B3GNT2: variants seen among roughly 807,000 people sequenced by gnomAD.
The protein encoded by B3GNT2 is N-acetyllactosaminide beta-1,3-N-acetylglucosaminyltransferase 2.
A neutral mutation model predicts 27.6 loss-of-function variants in B3GNT2; 12 were observed. The observed-to-expected ratio is 0.44, with a 90% CI of 0.28 to 0.71. The LOEUF is 0.71. Ranked by LOEUF, B3GNT2 falls within the 30% of genes least tolerant of loss-of-function variation. The pLI, the probability that B3GNT2 is intolerant of heterozygous loss-of-function variation, is 0.17. For missense variants in B3GNT2, 413 were observed against 488.5 expected (o/e 0.85, Z 1.46); for synonymous variants, 192 against 189.7 (o/e 1.01, Z -0.10).
intron 1 of B3GNT2, among the ~76,000 whole-genome samples, chr2:62,198,797 GTT>G (rs200401558): frequency 6.6e-6 from 1 of 151,816 alleles, no homozygotes; most frequent in African/African-American, 2.4e-5. Flanking sequence ...CAGATATGTG[GTT>G]TTTTTTAAAA....
At chr2:62,198,520 A>T (rs1025562566) in intron 1 of B3GNT2, among the ~76,000 whole-genome samples, 1 of 152,246 alleles carries the variant, frequency 6.6e-6, no homozygotes, top group African/African-American at 2.4e-5. Context: ...CTGAGACTGA[A>T]ATCAGCCACA....
chr2:62,222,662 A>T lies in B3GNT2; in HGVS notation c.442A>T (p.Ile148Phe). 6.2e-7 allele frequency: 1 copy of T among 1,614,236 alleles called. No individual in the cohort carries two copies. Among genetic ancestry groups the T allele is most frequent in the Non-Finnish European group, 8.5e-7 (1 of 1,180,048 alleles). The change falls in exon 2 of 2, where the codon ATT becomes TTT. Residue 148 changes from isoleucine (I) to phenylalanine (F), a missense_variant. Ile to Phe is a conservative substitution (Grantham distance 21). Transcript: ENST00000301998. This position sits in a 1 kb window ranked among gnomAD's most constrained non-coding sequence, Gnocchi z 4.2. ...AAAGAAACCTTTCTTGTTGCTGGCG[A>T]TTAAGTCCCTCACTCCACATTTTGC... Reference protein sequence around the residue: ...CAKKPFLLLAIKSLTPHFARR... With the variant: ...CAKKPFLLLAFKSLTPHFARR...
At chr2:62,210,106 A>G (rs1379995720) in intron 1 of B3GNT2, among the ~76,000 whole-genome samples, 4 of 152,226 alleles carry the variant, frequency 2.6e-5, no homozygotes, top group African/African-American at 9.6e-5. Context: ...TTTCCTTGGA[A>G]TGGTTTACAT....
intron 1 of B3GNT2, among the ~76,000 whole-genome samples, chr2:62,198,018 T>C (rs1376049478): frequency 2.0e-5 from 3 of 152,234 alleles, no homozygotes; most frequent in Admixed American, 6.5e-5. Context: ...CTTGAGTAAT[T>C]TGAGTAATCC....
chr2:62,202,346 A>G (rs1219848260), intron 1 of B3GNT2, among the ~76,000 whole-genome samples: 1 of 152,236 alleles, frequency 6.6e-6, no homozygotes, highest in Admixed American at 6.5e-5. Context: ...GGAAGGTAGA[A>G]GTGCTCAAGG....
chr2:62,196,634 C>T (rs1055448620), intron 1 of B3GNT2, among the ~76,000 whole-genome samples: 1 of 152,250 alleles, frequency 6.6e-6, no homozygotes, highest in Admixed American at 6.5e-5. Flanking sequence ...GGACACCGCC[C>T]GCTGCGGGGC....
chr2:62,222,201 C>A lies in B3GNT2; in HGVS notation c.-9-11C>A. 6.4e-7 allele frequency: 1 copy of A among 1,571,584 alleles called. No homozygotes were observed. Among genetic ancestry groups the A allele is most frequent in the South Asian group, 1.2e-5 (1 of 83,188 alleles). The stretch of plus-strand genomic sequence containing the variant: ...AAGTAATTGATACAATACTCCACCC[C>A]TTTATTCCAGATATGAGAAATGAGT... On this transcript the variant is annotated splice_polypyrimidine_tract_variant and intron_variant, in intron 1 of 1. Coordinates refer to ENST00000301998, the MANE Select transcript of B3GNT2 (RefSeq NM_006577.6). The surrounding 1 kb of genome is among the most constrained non-coding windows in gnomAD (Gnocchi z 4.2).
chr2:62,199,810 C>G (rs1674225932), intron 1 of B3GNT2, among the ~76,000 whole-genome samples: 1 of 152,208 alleles, frequency 6.6e-6, no homozygotes, highest in Non-Finnish European at 1.5e-5. Context: ...ACGTACTTGC[C>G]AAATATGTCT....
intron 1 of B3GNT2, among the ~76,000 whole-genome samples, chr2:62,207,973 T>C (rs142110224): frequency 5.9e-5 from 9 of 152,332 alleles, no homozygotes; most frequent in African/African-American, 2.2e-4. Context: ...TGTGGCCAGT[T>C]ATCACACCAG....
rs548774390 is a variant in B3GNT2, at chr2:62,216,025, G to C, written c.-9-6187G>C. On this transcript the variant is annotated intron_variant, in intron 1 of 1. Coordinates refer to ENST00000301998, the MANE Select transcript of B3GNT2 (RefSeq NM_006577.6). Reference sequence around the variant, plus strand: ...CTCGTTCTGTCCCTGGCTAGTTACTGTCGGGCATCTTTTTAGCTTGCCTGA... The same window carrying C: ...CTCGTTCTGTCCCTGGCTAGTTACTCTCGGGCATCTTTTTAGCTTGCCTGA... 5.9e-5 allele frequency among the ~76,000 whole-genome samples: 9 copies of C among 152,298 alleles called. No individual in the cohort carries two copies. The South Asian group carries it at 1.9e-3, about 32-fold the overall frequency.
Position 62,223,332 on chromosome 2 carries a change from A to C in B3GNT2, c.1112A>C (p.Asp371Ala). The change falls in exon 2 of 2, where the codon GAT becomes GCT. Residue 371 changes from aspartate to alanine, a missense_variant. Physicochemically the swap from Asp to Ala is moderately radical, Grantham distance 126 (BLOSUM62 -2). Coordinates refer to ENST00000301998, the MANE Select transcript of B3GNT2 (RefSeq NM_006577.6). ...KNKNNICSYV[D>A]LMLVHSRKPQ... ...AAAAATAACATCTGCTCCTATGTAGATCTGATGTTAGTACATAGTAGAAAA... is the reference window on the plus strand; with the variant it reads ...AAAAATAACATCTGCTCCTATGTAGCTCTGATGTTAGTACATAGTAGAAAA... 1 of 1,614,232 alleles carries C rather than the reference A, an allele frequency of 6.2e-7. No homozygotes were observed.
chr2:62,222,234 G>A lies in B3GNT2; in HGVS notation c.14G>A (p.Arg5His), dbSNP rs760104143. The stretch of plus-strand genomic sequence containing the variant: ...CAGATATGAGAAATGAGTGTTGGAC[G>A]TCGAAGAATAAAGTTGTTGGGTATC... MSVG[R>H]RRIKLLGILM... The change falls in exon 2 of 2, where the codon CGT (arginine) becomes CAT (histidine). Residue 5 changes from arginine to histidine, a missense_variant. By Grantham distance (29) the Arg-to-His change is conservative. Transcript: ENST00000301998. The surrounding 1 kb of genome is among the most constrained non-coding windows in gnomAD (Gnocchi z 4.2). 6.9e-6 allele frequency: 11 copies of A among 1,602,814 alleles called. No individual in the cohort carries two copies. The highest frequency in any genetic ancestry group is 4.0e-5 in the African/African-American group (3 of 74,272).
In B3GNT2 at chr2:62,223,155, C is replaced by T. The variant is rs1232720341; in HGVS notation, c.935C>T (p.Ser312Phe). 6.2e-7 allele frequency: 1 copy of T among 1,614,224 alleles called. No homozygotes were observed. The highest frequency in any genetic ancestry group is 8.5e-7 in the Non-Finnish European group (1 of 1,180,028). Residue 312 changes from serine to phenylalanine, a missense_variant, in exon 2 of 2, where the codon TCC becomes TTC. Physicochemically the swap from Ser to Phe is radical, Grantham distance 155 (BLOSUM62 -2). Coordinates refer to ENST00000301998, the MANE Select transcript of B3GNT2 (RefSeq NM_006577.6). Reference protein sequence around the residue: ...PYAGGGGFLYSGHLALRLYHI... With the variant: ...PYAGGGGFLYFGHLALRLYHI... Reference sequence around the variant, plus strand: ...GCAGGGGGAGGGGGGTTCCTCTACTCCGGCCACCTGGCCCTGAGGCTGTAC... The same window carrying T: ...GCAGGGGGAGGGGGGTTCCTCTACTTCGGCCACCTGGCCCTGAGGCTGTAC...
chr2:62,202,765 T>C (rs1674293679), intron 1 of B3GNT2, among the ~76,000 whole-genome samples: 1 of 152,206 alleles, frequency 6.6e-6, no homozygotes, highest in Admixed American at 6.5e-5. Flanking sequence ...AGGTTACTTT[T>C]CTACTCAGAA....
chr2:62,221,499 GT>G (rs933902930), intron 1 of B3GNT2, among the ~76,000 whole-genome samples: 3 of 152,072 alleles, frequency 2.0e-5, no homozygotes, highest in Non-Finnish European at 4.4e-5. Context: ...ATAACTCAGG[GT>G]TGGGACTAAC....
Position 62,196,144 on chromosome 2 carries a change from A to C in B3GNT2, c.-221A>C, listed in dbSNP as rs1006383438. 1 of 151,732 alleles carries C rather than the reference A, an allele frequency of 6.6e-6. No homozygotes were observed. The highest frequency in any genetic ancestry group is 6.6e-5 in the Admixed American group (1 of 15,228). The allele number at this position is 151,732 out of a possible 1,614,324, so 9.4% of individuals were successfully genotyped here. On this transcript the variant is annotated 5_prime_UTR_variant, in exon 1 of 2. Transcript: ENST00000301998. Reference sequence around the variant, plus strand: ...TGGAGTGAGGCGCAGCGGCAGCGGCAGCAGCGGCAACAAGTGCCGGAGGCT... The same window carrying C: ...TGGAGTGAGGCGCAGCGGCAGCGGCCGCAGCGGCAACAAGTGCCGGAGGCT...
rs1270237640 is a variant in B3GNT2, at chr2:62,196,691, G to C, written c.-10+336G>C. Among the ~76,000 whole-genome samples, 5 of 152,332 alleles carry C rather than the reference G, an allele frequency of 3.3e-5. No individual in the cohort carries two copies. In the East Asian group the frequency reaches 5.8e-4, roughly 18 times the overall value. On this transcript the variant is annotated intron_variant, in intron 1 of 1. Coordinates refer to ENST00000301998, the MANE Select transcript of B3GNT2 (RefSeq NM_006577.6). ...CCGTGCCCACCTCGCCCTGGAGCCC[G>C]GGGACCTTCCCCCTCCTCGCTGCAC...
intron 1 of B3GNT2, among the ~76,000 whole-genome samples, chr2:62,209,483 A>C (rs1182345938): frequency 6.6e-6 from 1 of 152,202 alleles, no homozygotes; most frequent in African/African-American, 2.4e-5. Context: ...AAAAACAAGT[A>C]AAAGAATGAG....
intron 1 of B3GNT2, among the ~76,000 whole-genome samples, chr2:62,209,277 C>T (rs551363177): frequency 2.0e-5 from 3 of 152,068 alleles, no homozygotes; most frequent in Non-Finnish European, 2.9e-5. Flanking sequence ...CCCTGGGACA[C>T]GTGGTAGTAA....
Sources: gnomAD v4.1 joint callset for allele counts (sites outside exome capture counted in the v4.1 genomes callset) on GRCh38, gnomAD v4.1.1 for gene constraint, Gnocchi (gnomAD v3.1) non-coding constraint, MANE v1.5 for transcripts, NCBI Gene and HGNC (gene_info 2026-07-23, HGNC 2026-07-21) for gene names.